GSDME: variants seen among roughly 807,000 people sequenced by gnomAD.
GSDME encodes the protein gasdermin E, also known as gasdermin-E.
In GSDME, 44 loss-of-function variants were observed where a neutral mutation model predicts 47.5. The observed-to-expected ratio is 0.93, with a 90% confidence interval of 0.73 to 1.19. The LOEUF is 1.19. Ranked by LOEUF, GSDME falls within the 50% of genes most tolerant of loss-of-function variation. The probability of loss-of-function intolerance (pLI) is 0.00; values close to 1 mark genes in which losing one functional copy is unlikely to be tolerated. For synonymous variants in GSDME, 258 were observed against 252.8 expected (o/e 1.02, Z -0.20); for missense variants, 663 against 604.2 (o/e 1.10, Z -1.02).
intron 3 of GSDME, among the ~76,000 whole-genome samples, chr7:24,722,511 C>A (rs1406534669): frequency 6.6e-6 from 1 of 152,144 alleles, no homozygotes; most frequent in Non-Finnish European, 1.5e-5. Flanking sequence ...TCTGTCTGTG[C>A]CCTCACAACT....
chr7:24,701,895 A>G lies in GSDME; in HGVS notation c.1257+865T>C, dbSNP rs1161174385. Among the ~76,000 whole-genome samples the G allele has an allele frequency of 2.0e-5, 3 of 152,164 alleles. No individual in the cohort carries two copies. The East Asian group carries it at 5.8e-4, about 29-fold the overall frequency. On this transcript the variant is annotated intron_variant, in intron 9 of 9. Coordinates refer to ENST00000645220, the MANE Select transcript of GSDME (RefSeq NM_001127453.2). ...TGCTATGCACAAAGGCACCAACCAC[A>G]TTACTCGGTGTTCCCAGAGTAGATG...
chr7:24,767,516 C>G, the GSDME span, among the ~76,000 whole-genome samples: 2 of 151,868 alleles, frequency 1.3e-5, no homozygotes, highest in Admixed American at 1.3e-4. This position sits in a 1 kb window ranked among gnomAD's most constrained non-coding sequence, Gnocchi z 5.3. Context: ...AGAATTTTTA[C>G]ATTATTTTTA....
chr7:24,704,798 A>G (rs1185545596), intron 8 of GSDME: 4 of 152,008 alleles, frequency 2.6e-5, no homozygotes, highest in African/African-American at 7.3e-5. Flanking sequence ...GGCTCAAGCA[A>G]TCCTCCACAG....
chr7:24,717,446 A>C, intron 4 of GSDME, 72 bp from the exon 5 acceptor site: 1 of 1,608,374 alleles, frequency 6.2e-7, no homozygotes, highest in Non-Finnish European at 8.5e-7. Context: ...CACTGCAGCC[A>C]GCCTCGTGCC....
intron 1 of GSDME, among the ~76,000 whole-genome samples, chr7:24,755,622 T>C (rs1790990204): frequency 6.6e-6 from 1 of 152,232 alleles, no homozygotes; most frequent in Non-Finnish European, 1.5e-5. Context: ...GGTCTTTGAC[T>C]GGAGGGGATT....
At chr7:24,738,869 G>A (rs1339297147) in intron 3 of GSDME, among the ~76,000 whole-genome samples, 1 of 152,084 alleles carries the variant, frequency 6.6e-6, no homozygotes, top group Non-Finnish European at 1.5e-5. Context: ...GGTGCCAAGA[G>A]CATACATTGG....
intron 2 of GSDME, among the ~76,000 whole-genome samples, chr7:24,747,271 T>C (rs965696416): frequency 6.6e-6 from 1 of 152,222 alleles, no homozygotes; most frequent in African/African-American, 2.4e-5. Flanking sequence ...GTAAAATTAA[T>C]ATCAATTCAT....
intron 4 of GSDME, 66 bp downstream of exon 4, chr7:24,718,981 G>C (rs747027005): frequency 3.2e-6 from 5 of 1,571,618 alleles, no homozygotes; most frequent in Non-Finnish European, 4.4e-6. Context: ...ACCACCCAAA[G>C]AGGCCCCCAA....
upstream of GSDME, chr7:24,758,082 T>C (rs1791101316): frequency 6.6e-6 from 1 of 152,288 alleles, no homozygotes; most frequent in Admixed American, 6.5e-5. The surrounding 1 kb of genome is among the most constrained non-coding windows in gnomAD (Gnocchi z 4.6). Context: ...CGAGGGAATC[T>C]CAGCATAGCT....
chr7:24,736,144 A>G lies in GSDME; in HGVS notation c.404+8418T>C, dbSNP rs1562707924. 6.6e-6 allele frequency among the ~76,000 whole-genome samples: 1 copy of G among 152,198 alleles called. No homozygotes were observed. The highest frequency in any genetic ancestry group is 1.5e-5 in the Non-Finnish European group (1 of 68,034). ...AGGAGGAGAAGACCACAAAACAAAT[A>G]ATAAAATGACAGGAGTAAATCCTTA... is the stretch of plus-strand genomic sequence containing the variant. On this transcript the variant is annotated intron_variant, in intron 3 of 9. Transcript: ENST00000645220. The surrounding 1 kb of genome is among the most constrained non-coding windows in gnomAD (Gnocchi z 4.6).
chr7:24,786,685 G>T, the GSDME span, among the ~76,000 whole-genome samples: 1 of 152,182 alleles, frequency 6.6e-6, no homozygotes, highest in African/African-American at 2.4e-5. The surrounding 1 kb of genome is among the most constrained non-coding windows in gnomAD (Gnocchi z 5.5). Flanking sequence ...AGTCTAAATG[G>T]GTACAGAGTT....
intron 9 of GSDME, among the ~76,000 whole-genome samples, 157 bp from the exon 10 acceptor site, chr7:24,699,416 C>G (rs1006775999): frequency 6.6e-6 from 1 of 152,172 alleles, no homozygotes; most frequent in African/African-American, 2.4e-5. Context: ...GATCTCGGCT[C>G]ACTGCAACCT....
At chr7:24,750,930 A>G (rs886514699) in intron 1 of GSDME, among the ~76,000 whole-genome samples, 2 of 152,248 alleles carry the variant, frequency 1.3e-5, no homozygotes, top group African/African-American at 4.8e-5. Context: ...CTGGAAAGAA[A>G]AAAACTGAAT....
At chr7:24,715,569 G>A (rs532785915) in intron 5 of GSDME, 1 of 459,726 alleles carries the variant, frequency 2.2e-6, no homozygotes, top group Non-Finnish European at 4.5e-6. Context: ...GCAGACATAG[G>A]GGGGCTAGAA....
At chr7:24,708,041 A>C (rs1789188462) in intron 7 of GSDME, 86 bp downstream of exon 7, 5 of 1,541,300 alleles carry the variant, frequency 3.2e-6, no homozygotes, top group Non-Finnish European at 3.6e-6. Context: ...GAGGCGGGGG[A>C]ACCTTTAACA....
At chr7:24,785,889 C>T in the GSDME span, among the ~76,000 whole-genome samples, 6 of 152,200 alleles carry the variant, frequency 3.9e-5, no homozygotes. Context: ...TTGATTCTAC[C>T]GTCTCACAAT....
At chr7:24,749,985 A>T (rs1175698084) in intron 1 of GSDME, among the ~76,000 whole-genome samples, 192 bp from the exon 2 acceptor site, 1 of 152,202 alleles carries the variant, frequency 6.6e-6, no homozygotes, top group Non-Finnish European at 1.5e-5. Context: ...ACATATATAT[A>T]CCAGTCTGGA....
intron 3 of GSDME, among the ~76,000 whole-genome samples, chr7:24,727,282 G>A (rs1331605823): frequency 6.6e-6 from 1 of 152,224 alleles, no homozygotes; most frequent in Non-Finnish European, 1.5e-5. Context: ...TTCTGACTCT[G>A]AGACCAGTGT....
intron 3 of GSDME, among the ~76,000 whole-genome samples, chr7:24,730,645 T>A (rs1413950129): frequency 6.6e-6 from 1 of 151,944 alleles, no homozygotes; most frequent in Non-Finnish European, 1.5e-5. Flanking sequence ...TGAAACCCCG[T>A]CTCTACTAAA....
Sources: allele counts gnomAD v4.1 joint callset (sites outside exome capture counted in the v4.1 genomes callset), GRCh38; gene constraint gnomAD v4.1.1; non-coding constraint Gnocchi (gnomAD v3.1); transcripts MANE v1.5; gene names NCBI Gene and HGNC (gene_info 2026-07-23, HGNC 2026-07-21).